The following RFWD3 variants were observed in gnomAD, a reference collection of about 807,000 sequenced individuals.
The protein encoded by RFWD3 is E3 ubiquitin-protein ligase RFWD3.
RFWD3 carries 65 observed loss-of-function variants against 87.7 expected under a neutral mutation model. The observed-to-expected ratio is 0.74, with a 90% CI of 0.61 to 0.91. The LOEUF (loss-of-function observed/expected upper bound fraction) is 0.91, where lower values mean the gene tolerates loss of function less well. Ranked by LOEUF, RFWD3 falls within the 40% of genes least tolerant of loss-of-function variation. The pLI, the probability that RFWD3 is intolerant of heterozygous loss-of-function variation, is 0.00. For missense variants in RFWD3, 1,078 were observed against 938.5 expected (o/e 1.15, Z -1.94); for synonymous variants, 433 against 352.8 (o/e 1.23, Z -2.55).
chr16:74,645,755 T>C (rs1164772948), intron 4 of RFWD3, among the ~76,000 whole-genome samples: 35 of 142,026 alleles, frequency 2.5e-4, no homozygotes, highest in African/African-American at 4.2e-4. Context: ...CTTTTTTTTT[T>C]TTTTTTTTTT....
At chr16:74,659,156 C>T (rs1961233727) in intron 2 of RFWD3, among the ~76,000 whole-genome samples, 1 of 152,042 alleles carries the variant, frequency 6.6e-6, no homozygotes, top group African/African-American at 2.4e-5. Flanking sequence ...TAAGTGTCAC[C>T]CTTAAGTTGG....
chr16:74,625,514 G>GA (rs34657625), intron 12 of RFWD3, among the ~76,000 whole-genome samples: 84,271 of 142,960 alleles, frequency 0.59, 25,320 homozygotes, highest in African/African-American at 0.77. Flanking sequence ...ACCGTCTCAA[G>GA]AAAAAAAAAA....
chr16:74,645,842 T>C (rs746444144), intron 4 of RFWD3, among the ~76,000 whole-genome samples: 1 of 136,710 alleles, frequency 7.3e-6, no homozygotes, highest in South Asian at 2.5e-4. Context: ...AAGTTCCGCC[T>C]CCTGGGTTCA....
At chr16:74,625,615 T>C (rs1958911030) in intron 12 of RFWD3, among the ~76,000 whole-genome samples, 1 of 152,066 alleles carries the variant, frequency 6.6e-6, no homozygotes, top group Non-Finnish European at 1.5e-5. Context: ...TCAGCTGTCT[T>C]ATAGAACGCC....
rs573993147 is a variant in RFWD3 at position 74,650,778 on chromosome 16, G to T, written c.721+1142C>A. Among the ~76,000 whole-genome samples the T allele has an allele frequency of 2.0e-5, 3 of 152,238 alleles. No individual in the cohort carries two copies. The South Asian group carries it at 6.2e-4, about 32-fold the overall frequency. ...TGTAGTCCTAGCTACTCAGGTGGCT[G>T]AGGCGGGAGGATCGCTTGAGCCTGG... On this transcript the variant is annotated intron_variant, in intron 3 of 12. Transcript: ENST00000361070.
intron 2 of RFWD3, among the ~76,000 whole-genome samples, chr16:74,655,168 C>T (rs1322843686): frequency 6.6e-6 from 1 of 152,188 alleles, no homozygotes. Context: ...AAGTCAATGC[C>T]TGGCTTCAAG....
Position 74,644,531 on chromosome 16 carries a change from T to C in RFWD3, c.987+10A>G, listed in dbSNP as rs1473606030. The C allele has an allele frequency of 5.0e-6, 8 of 1,614,054 alleles. No individual in the cohort carries two copies. The highest frequency in any genetic ancestry group is 4.0e-5 in the African/African-American group (3 of 74,936). On this transcript the variant is annotated intron_variant, in intron 5 of 12. Coordinates refer to ENST00000361070, the MANE Select transcript of RFWD3 (RefSeq NM_018124.4). ...TAACATGTTAATGTGTCCTTACCTA[T>C]GGTCCTTACCTGGGGACATTTTCGT...
At chr16:74,646,655 G>T (rs928209214) in intron 4 of RFWD3, among the ~76,000 whole-genome samples, 1 of 152,074 alleles carries the variant, frequency 6.6e-6, no homozygotes, top group Non-Finnish European at 1.5e-5. Flanking sequence ...GCATGACGGC[G>T]TGTGCCTGTA....
At chr16:74,646,396 G>A (rs1017656774) in intron 4 of RFWD3, among the ~76,000 whole-genome samples, 2 of 152,120 alleles carry the variant, frequency 1.3e-5, no homozygotes, top group Non-Finnish European at 2.9e-5. Context: ...AGTGTAGCAT[G>A]ATTTATATAA....
intron 6 of RFWD3, among the ~76,000 whole-genome samples, chr16:74,639,744 G>A (rs1186613407): frequency 6.6e-6 from 1 of 152,054 alleles, no homozygotes; most frequent in Non-Finnish European, 1.5e-5. Flanking sequence ...GAACAAAATG[G>A]GGGAACATAT....
chr16:74,626,541 GGT>G lies in RFWD3; in HGVS notation c.1981_1982del (p.Thr661HisfsTer15), dbSNP rs771223395. ...LVTYRPDKNH[T>X]TIRSVLMEMS... The stretch of plus-strand genomic sequence containing the variant: ...TTTCCATCAGCACACTTCGTATGGT[GGT>G]GTGATTTTTATCTATGGGACAGAGA... On this transcript the variant is annotated frameshift_variant, in exon 12 of 13. Transcript: ENST00000361070. LOFTEE classifies it high-confidence loss of function. 1.2e-6 allele frequency: 2 copies of G among 1,613,836 alleles called. No individual in the cohort carries two copies. Among genetic ancestry groups the G allele is most frequent in the African/African-American group, 1.3e-5 (1 of 74,898 alleles).
At chr16:74,645,402 C>A (rs376013346) in intron 4 of RFWD3, among the ~76,000 whole-genome samples, 1 of 152,206 alleles carries the variant, frequency 6.6e-6, no homozygotes, top group Non-Finnish European at 1.5e-5. Flanking sequence ...CTGAGAAATG[C>A]GTCTTTAGGC....
At chr16:74,666,082 G>T (rs78397050) in intron 1 of RFWD3, among the ~76,000 whole-genome samples, 1 of 151,970 alleles carries the variant, frequency 6.6e-6, no homozygotes, top group Admixed American at 6.6e-5. Flanking sequence ...AGGAGGGAGA[G>T]GGAGACGGGA....
At chr16:74,658,144 C>A (rs891865576) in intron 2 of RFWD3, among the ~76,000 whole-genome samples, 2 of 152,180 alleles carry the variant, frequency 1.3e-5, no homozygotes, top group African/African-American at 4.8e-5. Flanking sequence ...CTTCCCTGCA[C>A]TTACCAACTT....
intron 2 of RFWD3, among the ~76,000 whole-genome samples, chr16:74,660,314 G>T (rs1961322693): frequency 6.6e-6 from 1 of 152,162 alleles, no homozygotes; most frequent in African/African-American, 2.4e-5. Flanking sequence ...TTAGTTAGGT[G>T]TGGTGGCACG....
intron 6 of RFWD3, among the ~76,000 whole-genome samples, chr16:74,642,519 G>A (rs538574386): frequency 1.3e-5 from 2 of 148,928 alleles, no homozygotes; most frequent in Admixed American, 6.7e-5. Context: ...TTATTTTTTT[G>A]AGACAGGTTC....
chr16:74,655,983 A>C (rs1960947626), intron 2 of RFWD3, among the ~76,000 whole-genome samples: 1 of 152,200 alleles, frequency 6.6e-6, no homozygotes, highest in South Asian at 2.1e-4. Flanking sequence ...CCAGTAAACC[A>C]AGAGCTCTGA....
chr16:74,623,981 T>C lies in RFWD3; in HGVS notation c.2272A>G (p.Ser758Gly). ...TTCTCTGTTAAGGTAGCCAAGTAGC[T>C]GTTACGGTTCACCTCAAATGGGCAG... ...DICPFEVNRN[S>G]YLATLTEKMV... The change falls in exon 13 of 13, where the codon AGC (serine) becomes GGC (glycine). Residue 758 changes from serine (S) to glycine (G), a missense_variant. Ser to Gly is a moderately conservative substitution (Grantham distance 56, BLOSUM62 0). Coordinates refer to ENST00000361070, the MANE Select transcript of RFWD3 (RefSeq NM_018124.4). 1 of 1,614,178 alleles carries C rather than the reference T, an allele frequency of 6.2e-7. No individual in the cohort carries two copies. Among genetic ancestry groups the C allele is most frequent in the Non-Finnish European group, 8.5e-7 (1 of 1,180,024 alleles).
intron 8 of RFWD3, 126 bp downstream of exon 8, chr16:74,636,220 A>G (rs914155472): frequency 2.5e-6 from 2 of 796,456 alleles, no homozygotes; most frequent in African/African-American, 1.7e-5. Flanking sequence ...GGGTACTTGC[A>G]TTAACAAGGA....
Sources: gnomAD v4.1 joint callset for allele counts (sites outside exome capture counted in the v4.1 genomes callset) on GRCh38, gnomAD v4.1.1 for gene constraint, MANE v1.5 for transcripts, NCBI Gene and HGNC (gene_info 2026-07-23, HGNC 2026-07-21) for gene names.